KSR1: variants seen among roughly 807,000 people sequenced by gnomAD.
The protein encoded by KSR1 is kinase suppressor of ras 1.
A neutral mutation model predicts 92.9 loss-of-function variants in KSR1; 35 were observed. The ratio of observed to expected loss-of-function variants is 0.38; its 90% confidence interval spans 0.29 to 0.50. The LOEUF is 0.50. Ranked by LOEUF, KSR1 falls within the 20% of genes least tolerant of loss-of-function variation. KSR1 has a pLI of 0.94. For missense variants in KSR1, 972 were observed against 1,158.5 expected (o/e 0.84, Z 2.34); for synonymous variants, 467 against 472.6 (o/e 0.99, Z 0.15).
intron 1 of KSR1, among the ~76,000 whole-genome samples, chr17:27,474,938 A>G (rs561519849): frequency 8.5e-5 from 13 of 152,158 alleles, no homozygotes; most frequent in Non-Finnish European, 8.8e-5. Context: ...ACTAAGGAAA[A>G]TGTGTTATCT....
intron 1 of KSR1, among the ~76,000 whole-genome samples, chr17:27,491,252 GTAGGTGGGACTA>G (rs1426839646): frequency 2.0e-5 from 3 of 149,588 alleles, no homozygotes; most frequent in Non-Finnish European, 4.4e-5. Context: ...GGTCTCCTGA[GTAGGTGGGACTA>G]TAGGCTCATG....
chr17:27,502,941 A>G (rs927158571), intron 1 of KSR1, among the ~76,000 whole-genome samples: 3 of 152,226 alleles, frequency 2.0e-5, no homozygotes, highest in Admixed American at 6.5e-5. Flanking sequence ...TAACACAGTG[A>G]GCCCCAGTTA....
chr17:27,483,554 T>A (rs1597856399), intron 1 of KSR1: 1 of 136,322 alleles, frequency 7.3e-6, no homozygotes. Context: ...GCCATTGCAC[T>A]CCAGCCTGGG....
intron 9 of KSR1, 127 bp downstream of exon 9, chr17:27,592,753 G>A (rs1315926915): frequency 1.4e-6 from 1 of 717,044 alleles, no homozygotes; most frequent in African/African-American, 1.8e-5. Flanking sequence ...TGTGGCCAGA[G>A]GGTGGCCTTG....
At chr17:27,464,225 G>A (rs1239753882) in intron 1 of KSR1, among the ~76,000 whole-genome samples, 1 of 152,176 alleles carries the variant, frequency 6.6e-6, no homozygotes, top group Non-Finnish European at 1.5e-5. Flanking sequence ...TAGGGGCCCT[G>A]AGGACTGGAG....
intron 2 of KSR1, among the ~76,000 whole-genome samples, chr17:27,556,241 G>T (rs2071590642): frequency 6.6e-6 from 1 of 152,106 alleles, no homozygotes; most frequent in Non-Finnish European, 1.5e-5. Flanking sequence ...TTGAGACAGG[G>T]TCTCGCTCTG....
rs1391546801 is a variant in KSR1 at position 27,459,878 on chromosome 17, A to C, written c.231+3004A>C. 6.6e-6 allele frequency among the ~76,000 whole-genome samples: 1 copy of C among 152,160 alleles called. No homozygotes were observed. The highest frequency in any genetic ancestry group is 1.5e-5 in the Non-Finnish European group (1 of 68,030). On this transcript the variant is annotated intron_variant, in intron 1 of 20. Transcript: ENST00000644974. This position sits in a 1 kb window ranked among gnomAD's most constrained non-coding sequence, Gnocchi z 4.6. ...ATAGCTTTTCTCTGTGTGGTGGTCC[A>C]GTTTGGATGGAAAAGGGTAGAAGGA...
rs924853960 is a variant in KSR1 at position 27,626,106 on chromosome 17, G to A, written c.*2714G>A. The A allele has an allele frequency of 1.3e-5, 2 of 152,240 alleles. No individual in the cohort carries two copies. Among genetic ancestry groups the A allele is most frequent in the African/African-American group, 2.4e-5 (1 of 41,444 alleles). 9.4% of individuals were successfully genotyped at this position (152,240 alleles called of 1,614,324 possible). A position where few individuals can be genotyped will look rare whatever the true frequency, so the allele number is the denominator to read the frequency against. On this transcript the variant is annotated 3_prime_UTR_variant, in exon 21 of 21. Transcript: ENST00000644974. The stretch of plus-strand genomic sequence containing the variant: ...TTATTCTGTGTTGATTTGGTGTGGG[G>A]GGAGGGTGGAGACGTAAATGTGAAG...
intron 18 of KSR1, chr17:27,612,936 T>C (rs907285602): frequency 1.3e-5 from 2 of 152,220 alleles, no homozygotes; most frequent in African/African-American, 4.8e-5. Context: ...AATATTTTTC[T>C]CAATTGACTG....
intron 1 of KSR1, among the ~76,000 whole-genome samples, chr17:27,549,708 A>G (rs1328540142): frequency 6.6e-6 from 1 of 152,196 alleles, no homozygotes; most frequent in Non-Finnish European, 1.5e-5. Flanking sequence ...ACCCTGGCCA[A>G]TACTGCTGCT....
chr17:27,612,707 T>C (rs574157020), intron 18 of KSR1: 7 of 152,270 alleles, frequency 4.6e-5, no homozygotes, highest in Non-Finnish European at 7.3e-5. Context: ...ACAGCCTTGA[T>C]GTTAATAAGC....
At chr17:27,498,014 G>A (rs1453611375) in intron 1 of KSR1, among the ~76,000 whole-genome samples, 1 of 152,190 alleles carries the variant, frequency 6.6e-6, no homozygotes, top group Non-Finnish European at 1.5e-5. Context: ...TCCTTCAGTA[G>A]CAGTAATATT....
chr17:27,465,831 C>T (rs186268566), intron 1 of KSR1, among the ~76,000 whole-genome samples: 1 of 152,044 alleles, frequency 6.6e-6, no homozygotes, highest in African/African-American at 2.4e-5. Context: ...AGACCAGCTT[C>T]ATTCATGGTG....
chr17:27,585,756 GC>G (rs1334351266), intron 5 of KSR1, 95 bp downstream of exon 5: 5 of 719,480 alleles, frequency 6.9e-6, no homozygotes, highest in Non-Finnish European at 1.3e-5. Context: ...CCACCTCTTA[GC>G]CCGTTCAGCC....
Position 27,459,519 on chromosome 17 carries a change from C to A in KSR1, c.231+2645C>A, listed in dbSNP as rs2019337404. On this transcript the variant is annotated intron_variant, in intron 1 of 20. Coordinates refer to ENST00000644974, the MANE Select transcript of KSR1 (RefSeq NM_001394583.1). The surrounding 1 kb of genome is among the most constrained non-coding windows in gnomAD (Gnocchi z 4.6). ...CCACCGCCAGCAGCATGTGTTGGGG[C>A]CAGGCAGGCAAGTGGCAGTGTCCAC... 6.6e-6 allele frequency among the ~76,000 whole-genome samples: 1 copy of A among 152,254 alleles called. No individual in the cohort carries two copies. Among genetic ancestry groups the A allele is most frequent in the African/African-American group, 2.4e-5 (1 of 41,462 alleles).
chr17:27,619,332 G>T (rs1261722148), intron 19 of KSR1, among the ~76,000 whole-genome samples: 1 of 151,260 alleles, frequency 6.6e-6, no homozygotes, highest in Non-Finnish European at 1.5e-5. Flanking sequence ...ACCCTTTAAA[G>T]TAGTCAGAAC....
At position 27,624,434 on chromosome 17, in the gene KSR1, C is replaced by CTAA. The variant is rs1460826708; in HGVS notation, c.*1043_*1044insAAT. Reference sequence around the variant, plus strand: ...TATTTCCGACTCCTCTGTCCATGCTCTGAGTTCAGCTGGGCAGTGTGTGGG... The same window carrying CTAA: ...TATTTCCGACTCCTCTGTCCATGCTCTAATGAGTTCAGCTGGGCAGTGTGTGGG... On this transcript the variant is annotated 3_prime_UTR_variant, in exon 21 of 21. Transcript: ENST00000644974. 6.6e-6 allele frequency: 1 copy of CTAA among 152,374 alleles called. No homozygotes were observed. The highest frequency in any genetic ancestry group is 1.9e-4 in the East Asian group (1 of 5,186). 9.4% of individuals were successfully genotyped at this position (152,374 alleles called of 1,614,324 possible).
At chr17:27,526,563 C>T in intron 1 of KSR1, 1 of 1,599,822 alleles carries the variant, frequency 6.3e-7, no homozygotes, top group South Asian at 1.1e-5. Context: ...CACAATGCAC[C>T]TCATTCATTT....
intron 1 of KSR1, among the ~76,000 whole-genome samples, chr17:27,534,229 C>G (rs1357394884): frequency 6.6e-6 from 1 of 152,232 alleles, no homozygotes; most frequent in African/African-American, 2.4e-5. Flanking sequence ...GTGTTCCAGC[C>G]ACGCCTGGCC....
Sources: allele counts gnomAD v4.1 joint callset (sites outside exome capture counted in the v4.1 genomes callset), GRCh38; gene constraint gnomAD v4.1.1; non-coding constraint Gnocchi (gnomAD v3.1); transcripts MANE v1.5; gene names NCBI Gene and HGNC (gene_info 2026-07-23, HGNC 2026-07-21).